CNTNAP5: variants seen among roughly 807,000 people sequenced by gnomAD.
CNTNAP5 encodes contactin-associated protein-like 5.
In CNTNAP5, 72 loss-of-function variants were observed where a neutral mutation model predicts 150.2. The ratio of observed to expected loss-of-function variants is 0.48; its 90% CI spans 0.40 to 0.58. The LOEUF is 0.58. Among genes scored for constraint, CNTNAP5 ranks in the 20% least tolerant of loss-of-function variants. The probability of loss-of-function intolerance (pLI) is 0.00; values close to 1 mark genes in which losing one functional copy is unlikely to be tolerated. For missense variants in CNTNAP5, 1,636 were observed against 1,626.2 expected (o/e 1.01, Z -0.10); for synonymous variants, 672 against 619.8 (o/e 1.08, Z -1.25).
chr2:124,584,640 C>A (rs2104952504), intron 11 of CNTNAP5, among the ~76,000 whole-genome samples: 1 of 152,246 alleles, frequency 6.6e-6, no homozygotes, highest in South Asian at 2.1e-4. Context: ...TAATGGTATG[C>A]AAATGCAAAA....
At chr2:124,601,372 A>T (rs1696980211) in intron 11 of CNTNAP5, among the ~76,000 whole-genome samples, 1 of 152,234 alleles carries the variant, frequency 6.6e-6, no homozygotes, top group African/African-American at 2.4e-5. Flanking sequence ...CTTCAGCCAG[A>T]TAAGCCTACA....
chr2:124,782,314 T>C (rs1220179537), intron 17 of CNTNAP5, among the ~76,000 whole-genome samples: 28 of 152,220 alleles, frequency 1.8e-4, no homozygotes, highest in Non-Finnish European at 1.5e-5. Flanking sequence ...TGTGTCCTGC[T>C]TGCTTTGTGT....
chr2:124,301,053 C>A (rs1456540964), intron 3 of CNTNAP5, among the ~76,000 whole-genome samples: 1 of 152,198 alleles, frequency 6.6e-6, no homozygotes, highest in Non-Finnish European at 1.5e-5. Context: ...GCTGCAGTAT[C>A]TAAGCTCACA....
intron 19 of CNTNAP5, among the ~76,000 whole-genome samples, chr2:124,829,237 A>C (rs2104678963): frequency 6.6e-6 from 1 of 152,218 alleles, no homozygotes; most frequent in East Asian, 1.9e-4. Flanking sequence ...GAAAAGGGCC[A>C]AAAGGGCTTC....
intron 3 of CNTNAP5, among the ~76,000 whole-genome samples, chr2:124,349,398 A>G (rs765922082): frequency 1.6e-4 from 24 of 152,158 alleles, no homozygotes; most frequent in Non-Finnish European, 3.2e-4. Flanking sequence ...TCTGTCTTGG[A>G]CCAAAACGTC....
chr2:124,599,001 C>G (rs1445467784), intron 11 of CNTNAP5, among the ~76,000 whole-genome samples: 5 of 152,060 alleles, frequency 3.3e-5, no homozygotes, highest in South Asian at 2.1e-4. Flanking sequence ...CCTGCTTCGG[C>G]TCACGCACGG....
intron 1 of CNTNAP5, among the ~76,000 whole-genome samples, chr2:124,209,204 C>T (rs1685942022): frequency 6.6e-6 from 1 of 152,140 alleles, no homozygotes; most frequent in African/African-American, 2.4e-5. Flanking sequence ...CTAGATATAT[C>T]CCCAACTTGT....
In CNTNAP5 at chr2:124,886,106, AACAAAGAGAT is replaced by A. The variant is rs113827355; in HGVS notation, c.3436+16347_3436+16356del. Among the ~76,000 whole-genome samples the A allele has an allele frequency of 3.9e-3, 588 of 152,128 alleles. 8 individuals carry two copies. Among genetic ancestry groups the A allele is most frequent in the African/African-American group, 0.013 (555 of 41,502 alleles). On this transcript the variant is annotated intron_variant, in intron 21 of 23. Coordinates refer to ENST00000682447, the MANE Select transcript of CNTNAP5 (RefSeq NM_001367498.1). The stretch of plus-strand genomic sequence containing the variant: ...ACACTCTTACCATTCTCCTTGTCAA[AACAAAGAGAT>A]ACTTAAAGATGATTCTGGTTGGATT...
intron 1 of CNTNAP5, among the ~76,000 whole-genome samples, chr2:124,029,686 G>A (rs145944145): frequency 4.9e-4 from 74 of 151,816 alleles, no homozygotes; most frequent in Non-Finnish European, 9.1e-4. Flanking sequence ...CAATTTCATT[G>A]CTTTCTTTAC....
intron 12 of CNTNAP5, among the ~76,000 whole-genome samples, chr2:124,630,763 A>G (rs1362599105): frequency 6.6e-6 from 1 of 152,164 alleles, no homozygotes; most frequent in Non-Finnish European, 1.5e-5. Context: ...AGGGTATTCA[A>G]ATAGGAACAG....
Position 124,918,620 on chromosome 2 carries a change from C to G in CNTNAP5, c.*4332C>G, listed in dbSNP as rs576699450. 6.6e-6 allele frequency among the ~76,000 whole-genome samples: 1 copy of G among 152,174 alleles called. No homozygotes were observed. Among genetic ancestry groups the G allele is most frequent in the African/African-American group, 2.4e-5 (1 of 41,566 alleles). On this transcript the variant is annotated 3_prime_UTR_variant, in exon 24 of 24. Coordinates refer to ENST00000682447, the MANE Select transcript of CNTNAP5 (RefSeq NM_001367498.1). ...GTCTTGACAGACTGTTCACCAACTG[C>G]CCTAGCTTCCTTTAAGCTTCCCCAT...
intron 3 of CNTNAP5, among the ~76,000 whole-genome samples, chr2:124,338,738 A>C (rs1165059584): frequency 6.6e-6 from 1 of 152,044 alleles, no homozygotes; most frequent in Non-Finnish European, 1.5e-5. Flanking sequence ...AAACAAGAAA[A>C]AGTTAAAAAG....
At chr2:124,243,009 C>A (rs1686924801) in intron 3 of CNTNAP5, among the ~76,000 whole-genome samples, 1 of 152,106 alleles carries the variant, frequency 6.6e-6, no homozygotes, top group Non-Finnish European at 1.5e-5. Context: ...CAGTTTGCTC[C>A]AAGTTACAAA....
intron 3 of CNTNAP5, among the ~76,000 whole-genome samples, chr2:124,275,907 G>T (rs1397370655): frequency 1.3e-5 from 2 of 152,128 alleles, no homozygotes; most frequent in East Asian, 3.9e-4. Context: ...ACTTTCTCCT[G>T]ACTTGGATTC....
At chr2:124,041,810 A>G (rs1681379230) in intron 1 of CNTNAP5, among the ~76,000 whole-genome samples, 1 of 152,164 alleles carries the variant, frequency 6.6e-6, no homozygotes, top group Non-Finnish European at 1.5e-5. Flanking sequence ...GGGTTGAGAG[A>G]CTAGTTTAGA....
At chr2:124,479,625 G>A (rs1693720910) in intron 7 of CNTNAP5, among the ~76,000 whole-genome samples, 1 of 152,154 alleles carries the variant, frequency 6.6e-6, no homozygotes, top group Admixed American at 6.5e-5. Context: ...CAGGGAATTG[G>A]ATGGGCGATG....
chr2:124,438,360 G>C (rs990246657), intron 5 of CNTNAP5, among the ~76,000 whole-genome samples: 2 of 152,144 alleles, frequency 1.3e-5, no homozygotes, highest in Non-Finnish European at 2.9e-5. Context: ...ATTCATGCAG[G>C]TAGAGAATCA....
At chr2:124,071,186 T>C (rs1682294641) in intron 1 of CNTNAP5, among the ~76,000 whole-genome samples, 1 of 151,642 alleles carries the variant, frequency 6.6e-6, no homozygotes, top group African/African-American at 2.4e-5. Context: ...TGGAATACAG[T>C]GAAACCATAT....
intron 8 of CNTNAP5, among the ~76,000 whole-genome samples, chr2:124,507,702 G>A (rs1263989011): frequency 6.6e-6 from 1 of 152,170 alleles, no homozygotes; most frequent in East Asian, 1.9e-4. Flanking sequence ...AGAAAGCCTT[G>A]TTGTAGCAAT....
Sources: allele counts gnomAD v4.1 joint callset (sites outside exome capture counted in the v4.1 genomes callset), GRCh38; gene constraint gnomAD v4.1.1; transcripts MANE v1.5; gene names NCBI Gene and HGNC (gene_info 2026-07-23, HGNC 2026-07-21).